The following BICC1 variants were observed in gnomAD, a reference collection of about 807,000 sequenced individuals.
The protein encoded by BICC1 is protein bicaudal C homolog 1.
BICC1 carries 43 observed loss-of-function variants against 111.0 expected under a neutral mutation model. The ratio of observed to expected loss-of-function variants is 0.39; its 90% CI spans 0.30 to 0.50. BICC1 has a LOEUF of 0.50. Among genes scored for constraint, BICC1 ranks in the 20% least tolerant of loss-of-function variants. The pLI, the probability that BICC1 is intolerant of heterozygous loss-of-function variation, is 0.88. For synonymous variants in BICC1, 467 were observed against 434.4 expected, an observed-to-expected ratio of 1.07 and a Z score of -0.93; for missense variants, 1,091 against 1,203.2, an observed-to-expected ratio of 0.91 and a Z score of 1.38.
chr10:58,571,709 T>C (rs1297138077), intron 1 of BICC1, among the ~76,000 whole-genome samples: 2 of 152,212 alleles, frequency 1.3e-5, no homozygotes, highest in African/African-American at 2.4e-5. Context: ...ATCATGTATA[T>C]GTGCCACCTT....
rs903828648 is a variant in BICC1 at position 58,682,564 on chromosome 10, C to A, written c.238-19510C>A. Among the ~76,000 whole-genome samples the A allele has an allele frequency of 2.0e-4, 30 of 152,164 alleles. 1 individual carries two copies. The highest frequency in any genetic ancestry group is 7.3e-5 in the Non-Finnish European group (5 of 68,028). On this transcript the variant is annotated intron_variant, in intron 2 of 20. Transcript: ENST00000373886. ...GACTTTTTAATGATTGCCATTCTAACTGGTGTGAGATGGTATCTCGTTGTG... is the reference window on the plus strand; with the variant it reads ...GACTTTTTAATGATTGCCATTCTAAATGGTGTGAGATGGTATCTCGTTGTG...
intron 1 of BICC1, among the ~76,000 whole-genome samples, chr10:58,562,835 T>G (rs1351407221): frequency 6.6e-6 from 1 of 152,172 alleles, no homozygotes; most frequent in Non-Finnish European, 1.5e-5. Context: ...CAGTATTGTC[T>G]TCTTGTGCTT....
intron 1 of BICC1, among the ~76,000 whole-genome samples, chr10:58,531,181 G>T (rs897155983): frequency 6.6e-6 from 1 of 151,800 alleles, no homozygotes; most frequent in African/African-American, 2.4e-5. Context: ...GCTTGACTTG[G>T]AGTGCTGATG....
chr10:58,584,763 A>C (rs1024829202), intron 1 of BICC1, among the ~76,000 whole-genome samples: 10 of 150,560 alleles, frequency 6.6e-5, no homozygotes, highest in Middle Eastern at 3.5e-3. Flanking sequence ...AATTGGGATG[A>C]GTTCATTAGT....
chr10:58,675,597 T>C (rs1383883658), intron 2 of BICC1, among the ~76,000 whole-genome samples: 1 of 152,084 alleles, frequency 6.6e-6, no homozygotes, highest in Non-Finnish European at 1.5e-5. Flanking sequence ...GGTAGAACCA[T>C]GGCTGCCAGT....
intron 1 of BICC1, among the ~76,000 whole-genome samples, chr10:58,607,996 A>C (rs1190769921): frequency 6.6e-6 from 1 of 152,200 alleles, no homozygotes; most frequent in Non-Finnish European, 1.5e-5. Flanking sequence ...TAAGTCACTG[A>C]CACTGAAGCA....
At chr10:58,699,068 A>G (rs968426697) in intron 2 of BICC1, among the ~76,000 whole-genome samples, 7 of 152,186 alleles carry the variant, frequency 4.6e-5, no homozygotes, top group African/African-American at 7.2e-5. Context: ...CTTTTTTTCT[A>G]GTCATATAGG....
chr10:58,800,348 A>C (rs1317436949), intron 13 of BICC1, 22 bp downstream of exon 13: 3 of 1,606,566 alleles, frequency 1.9e-6, no homozygotes, highest in Non-Finnish European at 2.6e-6. Flanking sequence ...TACCCTTCTG[A>C]AATTCATTTT....
chr10:58,628,227 GAT>G (rs1837692989), intron 2 of BICC1, among the ~76,000 whole-genome samples: 1 of 152,170 alleles, frequency 6.6e-6, no homozygotes, highest in African/African-American at 2.4e-5. Flanking sequence ...AAGAAAAACA[GAT>G]AACAATAACT....
At chr10:58,677,103 G>T (rs1038189790) in intron 2 of BICC1, among the ~76,000 whole-genome samples, 1 of 152,138 alleles carries the variant, frequency 6.6e-6, no homozygotes, top group Non-Finnish European at 1.5e-5. Context: ...AAAAAGCAGC[G>T]CAAAAAGGCT....
At chr10:58,730,995 C>T (rs1454752009) in intron 3 of BICC1, among the ~76,000 whole-genome samples, 2 of 152,144 alleles carry the variant, frequency 1.3e-5, no homozygotes, top group African/African-American at 2.4e-5. Flanking sequence ...GCAAATTTTT[C>T]CAAACTTTTA....
Position 58,817,569 on chromosome 10 carries a change from C to G in BICC1, c.2541C>G (p.His847Gln), listed in dbSNP as rs1175778925. ...CTCTCCTTTGCCTTTCAGCGGAACA[C>G]TATCTCAGCAGTAGCAATTACATGG... ...PKRKQNKSTE[H>Q]YLSSSNYMDC... is the part of the protein sequence containing the mutation. Residue 847 changes from histidine to glutamine, a missense_variant, in exon 19 of 21, where the codon CAC (histidine) becomes CAG (glutamine). By Grantham distance (24) the His-to-Gln change is conservative. Transcript: ENST00000373886. The G allele has an allele frequency of 1.2e-6, 2 of 1,613,484 alleles. No individual in the cohort carries two copies. The highest frequency in any genetic ancestry group is 2.7e-5 in the African/African-American group (2 of 75,002).
chr10:58,642,016 C>T (rs1838138526), intron 2 of BICC1, among the ~76,000 whole-genome samples: 1 of 152,108 alleles, frequency 6.6e-6, no homozygotes, highest in Non-Finnish European at 1.5e-5. Context: ...AGGGAAGACA[C>T]AATTTGAAAT....
chr10:58,590,028 T>A (rs1844558406), intron 1 of BICC1, among the ~76,000 whole-genome samples: 1 of 152,160 alleles, frequency 6.6e-6, no homozygotes. Context: ...CCAGGAAATC[T>A]ACAATTTCAT....
intron 1 of BICC1, among the ~76,000 whole-genome samples, chr10:58,567,239 A>C (rs1274679617): frequency 1.3e-5 from 2 of 152,048 alleles, no homozygotes; most frequent in African/African-American, 4.8e-5. Context: ...TAAGGGTATA[A>C]ACTTTAGTTT....
At chr10:58,564,858 T>C (rs941571090) in intron 1 of BICC1, among the ~76,000 whole-genome samples, 9 of 152,238 alleles carry the variant, frequency 5.9e-5, no homozygotes, top group African/African-American at 1.9e-4. Flanking sequence ...GTTAAAAATA[T>C]GAAATAATAT....
At chr10:58,722,523 C>T (rs1363822900) in intron 3 of BICC1, among the ~76,000 whole-genome samples, 2 of 152,066 alleles carry the variant, frequency 1.3e-5, no homozygotes, top group Non-Finnish European at 2.9e-5. Context: ...AATAATAAAA[C>T]ATTTGAATTC....
Position 58,829,087 on chromosome 10 carries a change from A to G in BICC1, c.*196A>G, listed in dbSNP as rs2133008024. 1.9e-6 allele frequency: 1 copy of G among 526,858 alleles called. No homozygotes were observed. Among genetic ancestry groups the G allele is most frequent in the African/African-American group, 1.9e-5 (1 of 51,606 alleles). 32.6% of individuals were successfully genotyped at this position (526,858 alleles called of 1,614,324 possible). On this transcript the variant is annotated 3_prime_UTR_variant, in exon 21 of 21. Transcript: ENST00000373886. ...TTCTTATGATGTCATACAGAACACC[A>G]AATATGGATTACTTTTTTAAAATGG...
At chr10:58,678,904 A>G (rs1474341630) in intron 2 of BICC1, among the ~76,000 whole-genome samples, 2 of 152,244 alleles carry the variant, frequency 1.3e-5, no homozygotes, top group African/African-American at 4.8e-5. Flanking sequence ...GCACAAATAC[A>G]TGGAAACTGA....
Sources: allele counts gnomAD v4.1 joint callset (sites outside exome capture counted in the v4.1 genomes callset), GRCh38; gene constraint gnomAD v4.1.1; transcripts MANE v1.5; gene names NCBI Gene and HGNC (gene_info 2026-07-23, HGNC 2026-07-21).